MKRN2: variants seen among roughly 807,000 people sequenced by gnomAD.
The protein encoded by MKRN2 is E3 ubiquitin-protein ligase makorin-2.
MKRN2 carries 32 observed loss-of-function variants against 45.4 expected under a neutral mutation model. The ratio of observed to expected loss-of-function variants is 0.70; its 90% CI spans 0.53 to 0.95. MKRN2 has a LOEUF of 0.95. MKRN2 is among the 40% of genes least tolerant of loss of function. The probability of loss-of-function intolerance (pLI) is 0.00; values close to 1 mark genes in which losing one functional copy is unlikely to be tolerated. For synonymous variants in MKRN2, 206 were observed against 192.4 expected (o/e 1.07, Z -0.59); for missense variants, 526 against 536.7 (o/e 0.98, Z 0.20).
chr3:12,565,327 C>T lies in MKRN2; in HGVS notation c.27-3548C>T, dbSNP rs1369465297. On this transcript the variant is annotated intron_variant, in intron 1 of 7. Coordinates refer to ENST00000170447, the MANE Select transcript of MKRN2 (RefSeq NM_014160.5). ...CGAGATGTCTTTCATAGGTTGTCCC[C>T]AGTCTCCTGTATTTTCTATGAACTG... Among the ~76,000 whole-genome samples the T allele has an allele frequency of 2.6e-5, 4 of 152,216 alleles. No individual in the cohort carries two copies. In the East Asian group the frequency reaches 5.8e-4, roughly 22 times the overall value.
chr3:12,567,586 T>C (rs1015740665), intron 1 of MKRN2, among the ~76,000 whole-genome samples: 1 of 150,840 alleles, frequency 6.6e-6, no homozygotes, highest in African/African-American at 2.4e-5. Flanking sequence ...CCTCCTGAGT[T>C]CAAGCGATTC....
chr3:12,561,295 G>T (rs879868752), intron 1 of MKRN2, among the ~76,000 whole-genome samples: 10 of 152,160 alleles, frequency 6.6e-5, no homozygotes, highest in Non-Finnish European at 1.5e-4. Flanking sequence ...AGTGCAGTTT[G>T]GAAGGCAAGT....
At position 12,583,507 on chromosome 3, in the gene MKRN2, C is replaced by T. The variant is rs2058206071; in HGVS notation, c.*1254C>T. 2 of 208,618 alleles carry T rather than the reference C, an allele frequency of 9.6e-6. No individual in the cohort carries two copies. The highest frequency in any genetic ancestry group is 4.6e-5 in the African/African-American group (2 of 43,954). 12.9% of individuals were successfully genotyped at this position (208,618 alleles called of 1,614,324 possible). On this transcript the variant is annotated 3_prime_UTR_variant, in exon 8 of 8. Transcript: ENST00000170447. ...CCCAGCCTAGGCTCTGGGCACATTTCCTGTTCTTGAATTCTGCTCCTGAAG... is the reference window on the plus strand; with the variant it reads ...CCCAGCCTAGGCTCTGGGCACATTTTCTGTTCTTGAATTCTGCTCCTGAAG...
intron 4 of MKRN2, among the ~76,000 whole-genome samples, chr3:12,574,191 C>G (rs1326886402): frequency 6.6e-6 from 1 of 152,194 alleles, no homozygotes; most frequent in Non-Finnish European, 1.5e-5. Context: ...TGTGAGGTCT[C>G]TGCGGTGAGT....
intron 5 of MKRN2, among the ~76,000 whole-genome samples, chr3:12,575,611 G>A: frequency 6.6e-6 from 1 of 152,156 alleles, no homozygotes; most frequent in East Asian, 1.9e-4. Context: ...TTACAGATTA[G>A]GAAACAGGCC....
rs111470494 is a variant in MKRN2 at position 12,567,296 on chromosome 3, C to G, written c.27-1579C>G. Among the ~76,000 whole-genome samples, 56 of 148,998 alleles carry G rather than the reference C, an allele frequency of 3.8e-4. No individual in the cohort carries two copies. In the East Asian group the frequency reaches 0.011, roughly 29 times the overall value. ...TACTTTTTTTTTTTCTTTTGTGAGA[C>G]AGGATCTTGCTGTCACCCAGGCTAG... On this transcript the variant is annotated intron_variant, in intron 1 of 7. Transcript: ENST00000170447.
rs369653516 is a variant in MKRN2, at chr3:12,582,293, G to A, written c.*40G>A. 34 of 1,608,814 alleles carry A rather than the reference G, an allele frequency of 2.1e-5. No individual in the cohort carries two copies. Among genetic ancestry groups the A allele is most frequent in the East Asian group, 6.7e-5 (3 of 44,758 alleles). ...CCCTGCATCTTGGGCTCCATCGGCCGAAACTTTCCCAAGCCAGGGTGTGCG... is the reference window on the plus strand; with the variant it reads ...CCCTGCATCTTGGGCTCCATCGGCCAAAACTTTCCCAAGCCAGGGTGTGCG... On this transcript the variant is annotated 3_prime_UTR_variant, in exon 8 of 8. Transcript: ENST00000170447.
chr3:12,557,759 C>A (rs1031979006), intron 1 of MKRN2, among the ~76,000 whole-genome samples: 2 of 152,220 alleles, frequency 1.3e-5, no homozygotes. Flanking sequence ...CATCAGACTT[C>A]ACAGTAAGAC....
At position 12,568,958 on chromosome 3, in the gene MKRN2, G is replaced by A; in HGVS notation, c.110G>A (p.Cys37Tyr). 1.9e-6 allele frequency: 3 copies of A among 1,614,170 alleles called. No homozygotes were observed. Among genetic ancestry groups the A allele is most frequent in the Non-Finnish European group, 2.5e-6 (3 of 1,180,034 alleles). Reference sequence around the variant, plus strand: ...GCAAACAGCAAACCGTCCACCATCTGCAAGTACTACCAGAAGGGCTACTGT... The same window carrying A: ...GCAAACAGCAAACCGTCCACCATCTACAAGTACTACCAGAAGGGCTACTGT... ...DLANSKPSTI[C>Y]KYYQKGYCAY... Residue 37 changes from cysteine to tyrosine, a missense_variant, in exon 2 of 8, where the codon TGC (cysteine) becomes TAC (tyrosine). Coordinates refer to ENST00000170447, the MANE Select transcript of MKRN2 (RefSeq NM_014160.5).
rs748648535 is a variant in MKRN2, at chr3:12,582,148, C to T, written c.1146C>T (p.Ile382=). The T allele has an allele frequency of 6.8e-6, 11 of 1,614,002 alleles. No individual in the cohort carries two copies. Among genetic ancestry groups the T allele is most frequent in the South Asian group, 4.4e-5 (4 of 91,084 alleles). Reference sequence around the variant, plus strand: ...ATTCAGTGCGGCTCTGGGATTTCATCGAGAACCGAGAAAGCCGGCATGTCC... The same window carrying T: ...ATTCAGTGCGGCTCTGGGATTTCATTGAGAACCGAGAAAGCCGGCATGTCC... ...FFNSVRLWDF[I]ENRESRHVPN... Residue 382 remains isoleucine, a synonymous_variant, in exon 8 of 8, where the codon ATC becomes ATT. Transcript: ENST00000170447.
chr3:12,571,690 G>A (rs1264915446), intron 3 of MKRN2, among the ~76,000 whole-genome samples: 1 of 152,144 alleles, frequency 6.6e-6, no homozygotes, highest in Non-Finnish European at 1.5e-5. Flanking sequence ...CTGGTATGAA[G>A]GAAACACTGT....
intron 4 of MKRN2, among the ~76,000 whole-genome samples, chr3:12,574,422 G>A (rs1042698701): frequency 1.4e-4 from 21 of 152,250 alleles, no homozygotes; most frequent in Admixed American, 1.4e-3. Flanking sequence ...CTCTGATGTA[G>A]ACATGGCTCA....
chr3:12,562,068 G>T lies in MKRN2; in HGVS notation c.26+4892G>T, dbSNP rs374811430. 4.6e-5 allele frequency among the ~76,000 whole-genome samples: 7 copies of T among 152,176 alleles called. 1 individual carries two copies. The East Asian group carries it at 9.7e-4, about 21-fold the overall frequency. ...GGGGGTCTGGAGGAGCCTGGGTGCAGGCTTCCTACATCTGTCCCTCCCTGA... is the reference window on the plus strand; with the variant it reads ...GGGGGTCTGGAGGAGCCTGGGTGCATGCTTCCTACATCTGTCCCTCCCTGA... On this transcript the variant is annotated intron_variant, in intron 1 of 7. Coordinates refer to ENST00000170447, the MANE Select transcript of MKRN2 (RefSeq NM_014160.5).
rs370563842 is a variant in MKRN2 at position 12,562,396 on chromosome 3, C to T, written c.26+5220C>T. Among the ~76,000 whole-genome samples, 7 of 152,338 alleles carry T rather than the reference C, an allele frequency of 4.6e-5. 1 individual carries two copies. The East Asian group carries it at 9.6e-4, about 21-fold the overall frequency. On this transcript the variant is annotated intron_variant, in intron 1 of 7. Coordinates refer to ENST00000170447, the MANE Select transcript of MKRN2 (RefSeq NM_014160.5). ...CTTCCTAAGGATAGCAGTCTCACAT[C>T]TGCTGTGTAACTCTCTTCTGTGCAT...
intron 4 of MKRN2, among the ~76,000 whole-genome samples, 178 bp downstream of exon 4, chr3:12,572,551 T>C (rs558401396): frequency 6.6e-6 from 1 of 152,242 alleles, no homozygotes; most frequent in South Asian, 2.1e-4. Context: ...CTGGTATATT[T>C]ACATCCTGTT....
chr3:12,569,222 T>G (rs2058085041), intron 2 of MKRN2, among the ~76,000 whole-genome samples: 1 of 144,510 alleles, frequency 6.9e-6, no homozygotes, highest in African/African-American at 2.7e-5. Flanking sequence ...AGGGCAGTGG[T>G]GCGATCTCAG....
chr3:12,580,780 C>T (rs1383738935), intron 6 of MKRN2, among the ~76,000 whole-genome samples: 1 of 152,194 alleles, frequency 6.6e-6, no homozygotes, highest in Non-Finnish European at 1.5e-5. Flanking sequence ...CTTTATGCTG[C>T]TATGAAGCCG....
rs539980727 is a variant in MKRN2, at chr3:12,576,959, G to A, written c.968+218G>A. ...TTTTTTTTTTTTTTTTTTTTTTTTCGGTGAGATAGGGTCTCACTCTGTTGC... is the reference window on the plus strand; with the variant it reads ...TTTTTTTTTTTTTTTTTTTTTTTTCAGTGAGATAGGGTCTCACTCTGTTGC... On this transcript the variant is annotated intron_variant, in intron 6 of 7. Coordinates refer to ENST00000170447, the MANE Select transcript of MKRN2 (RefSeq NM_014160.5). The A allele has an allele frequency of 0.014, 1,635 of 119,292 alleles. 56 individuals carry two copies. The African/African-American group carries it at 0.3, about 22-fold the overall frequency. 7.4% of individuals were successfully genotyped at this position (119,292 alleles called of 1,614,324 possible).
Position 12,574,903 on chromosome 3 carries a change from T to G in MKRN2, c.754T>G (p.Ser252Ala), listed in dbSNP as rs745433733. The G allele has an allele frequency of 6.2e-7, 1 of 1,614,102 alleles. No individual in the cohort carries two copies. Among genetic ancestry groups the G allele is most frequent in the African/African-American group, 1.3e-5 (1 of 74,946 alleles). Residue 252 changes from serine to alanine, a missense_variant, in exon 5 of 8, where the codon TCT becomes GCT. Transcript: ENST00000170447. ...MEVILEKASA[S>A]ERRFGILSNC... ...AGTGATCCTGGAGAAGGCCTCTGCTTCTGAGAGGAGATTTGGGATTCTCTC... is the reference window on the plus strand; with the variant it reads ...AGTGATCCTGGAGAAGGCCTCTGCTGCTGAGAGGAGATTTGGGATTCTCTC...
Sources: allele counts gnomAD v4.1 joint callset (sites outside exome capture counted in the v4.1 genomes callset), GRCh38; gene constraint gnomAD v4.1.1; transcripts MANE v1.5; gene names NCBI Gene and HGNC (gene_info 2026-07-23, HGNC 2026-07-21).